Variants in PCDHGA1 observed in about 807,000 individuals in gnomAD.
The protein encoded by PCDHGA1 is protocadherin gamma-A1.
Under a neutral mutation model 58.0 loss-of-function variants are expected in PCDHGA1, and 32 were observed. The observed-to-expected ratio is 0.55, with a 90% CI of 0.42 to 0.74. The LOEUF is 0.74. PCDHGA1 is among the 30% of genes least tolerant of loss of function. The pLI is 0.00. For missense variants in PCDHGA1, 1,205 were observed against 1,182.3 expected, an observed-to-expected ratio of 1.02 and a Z score of -0.28; for synonymous variants, 498 against 501.1, an observed-to-expected ratio of 0.99 and a Z score of 0.08.
chr5:141,489,297 G>T lies in PCDHGA1; in HGVS notation c.2422-5510G>T. On this transcript the variant is annotated intron_variant, in intron 1 of 3. Transcript: ENST00000517417. This position sits in a 1 kb window ranked among gnomAD's most constrained non-coding sequence, Gnocchi z 4.5. Reference sequence around the variant, plus strand: ...GGAAATGGCAAGTGCTGTGCATGTTGTCCTTGTGCTGCTGGGGCTGGGTGT... The same window carrying T: ...GGAAATGGCAAGTGCTGTGCATGTTTTCCTTGTGCTGCTGGGGCTGGGTGT... 1.9e-6 allele frequency: 3 copies of T among 1,583,774 alleles called. No homozygotes were observed. Among genetic ancestry groups the T allele is most frequent in the Non-Finnish European group, 8.6e-7 (1 of 1,164,904 alleles).
chr5:141,405,546 A>G (rs2094684316), intron 1 of PCDHGA1: 1 of 630,658 alleles, frequency 1.6e-6, no homozygotes, highest in Admixed American at 2.9e-5. Context: ...CAGCCTCCCA[A>G]GTAGAGTAGC....
At chr5:141,340,316 G>T (rs770680401) in intron 1 of PCDHGA1, 2 of 1,614,034 alleles carry the variant, frequency 1.2e-6, no homozygotes, top group Admixed American at 3.3e-5. Flanking sequence ...CAACGACAAC[G>T]CACCCGCCTT....
chr5:141,383,310 A>C (rs1779012544), intron 1 of PCDHGA1: 1 of 1,614,004 alleles, frequency 6.2e-7, no homozygotes, highest in Non-Finnish European at 8.5e-7. Context: ...TGACGGAAGA[A>C]ATAAATGTAA....
At chr5:141,421,616 AC>A in intron 1 of PCDHGA1, 1 of 1,613,792 alleles carries the variant, frequency 6.2e-7, no homozygotes, top group Non-Finnish European at 8.5e-7. Context: ...ATTAATGATA[AC>A]GCCCCCAGCT....
intron 1 of PCDHGA1, chr5:141,410,718 TA>T: frequency 7.1e-7 from 1 of 1,402,688 alleles, no homozygotes; most frequent in Non-Finnish European, 9.6e-7. Context: ...ATCATATGTT[TA>T]AAATCCATAG....
chr5:141,432,463 C>A lies in PCDHGA1; in HGVS notation c.2422-62344C>A, dbSNP rs781407406. On this transcript the variant is annotated intron_variant, in intron 1 of 3. Transcript: ENST00000517417. The surrounding 1 kb of genome is among the most constrained non-coding windows in gnomAD (Gnocchi z 6.0). Reference sequence around the variant, plus strand: ...CCGAGATCCTGTACCCCGCCCTCCCCACGGACGGTTCCACTGGCGTGGAGC... The same window carrying A: ...CCGAGATCCTGTACCCCGCCCTCCCAACGGACGGTTCCACTGGCGTGGAGC... The A allele has an allele frequency of 5.6e-6, 9 of 1,614,120 alleles. No homozygotes were observed. In the Admixed American group the frequency reaches 1.3e-4, roughly 24 times the overall value.
chr5:141,356,496 G>C, intron 1 of PCDHGA1: 1 of 1,613,960 alleles, frequency 6.2e-7, no homozygotes. Context: ...CTCCTCCACT[G>C]TCTACAGAAA....
chr5:141,408,463 G>T, intron 1 of PCDHGA1: 1 of 1,614,014 alleles, frequency 6.2e-7, no homozygotes, highest in Non-Finnish European at 8.5e-7. Context: ...TACTTGTGAA[G>T]AACCGAATAG....
chr5:141,414,000 A>T (rs759228883), intron 1 of PCDHGA1: 2 of 1,613,282 alleles, frequency 1.2e-6, no homozygotes, highest in African/African-American at 2.7e-5. Flanking sequence ...ACAGGGACGA[A>T]GGTGCCAATG....
In PCDHGA1 at chr5:141,505,363, T is replaced by C. The variant is rs751635403; in HGVS notation, c.2481-30T>C. 1.6e-5 allele frequency: 26 copies of C among 1,613,242 alleles called. No individual in the cohort carries two copies. In the Middle Eastern group the frequency reaches 9.9e-4, roughly 61 times the overall value. On this transcript the variant is annotated intron_variant, in intron 2 of 3. Transcript: ENST00000517417. ...GGCATGAGCTGTGCCGGCCTGGGAG[T>C]CTGTGCTCACCATCCTACTCTCTCC... is the stretch of plus-strand genomic sequence containing the variant.
intron 1 of PCDHGA1, chr5:141,396,045 C>G (rs2093338007): frequency 6.6e-6 from 1 of 152,166 alleles, no homozygotes; most frequent in Non-Finnish European, 1.5e-5. Context: ...TATTTCAATA[C>G]AATTCCAATT....
At chr5:141,418,403 G>T in intron 1 of PCDHGA1, 1 of 1,614,000 alleles carries the variant, frequency 6.2e-7, no homozygotes. Context: ...CTCATTGGTG[G>T]AGAAAGACAA....
chr5:141,491,659 G>A lies in PCDHGA1; in HGVS notation c.2422-3148G>A. On this transcript the variant is annotated intron_variant, in intron 1 of 3. Transcript: ENST00000517417. This position sits in a 1 kb window ranked among gnomAD's most constrained non-coding sequence, Gnocchi z 6.9. ...CACAGCTCTGGCGCTGGAGCCTGACGCCATCCGGTCCCGCTCTAATACGCT... is the reference window on the plus strand; with the variant it reads ...CACAGCTCTGGCGCTGGAGCCTGACACCATCCGGTCCCGCTCTAATACGCT... 6.2e-7 allele frequency: 1 copy of A among 1,613,766 alleles called. No homozygotes were observed. The highest frequency in any genetic ancestry group is 8.5e-7 in the Non-Finnish European group (1 of 1,180,004).
At chr5:141,442,466 A>T (rs1270035223) in intron 1 of PCDHGA1, 1 of 152,254 alleles carries the variant, frequency 6.6e-6, no homozygotes, top group African/African-American at 2.4e-5. Flanking sequence ...TTCACTGCAG[A>T]AAGCCCCTTG....
Position 141,491,287 on chromosome 5 carries a change from C to T in PCDHGA1, c.2422-3520C>T, listed in dbSNP as rs1562145447. 2 of 1,614,030 alleles carry T rather than the reference C, an allele frequency of 1.2e-6. No homozygotes were observed. Among genetic ancestry groups the T allele is most frequent in the Admixed American group, 1.7e-5 (1 of 60,032 alleles). On this transcript the variant is annotated intron_variant, in intron 1 of 3. Coordinates refer to ENST00000517417, the MANE Select transcript of PCDHGA1 (RefSeq NM_018912.3). The surrounding 1 kb of genome is among the most constrained non-coding windows in gnomAD (Gnocchi z 6.9). ...GCCCAAATCCAGTGACTTCCTCATA[C>T]ACCCTCCTGAGCGTTCAGACCTTAC... is the stretch of plus-strand genomic sequence containing the variant.
intron 1 of PCDHGA1, chr5:141,342,634 T>C (rs1002353484): frequency 5.3e-5 from 8 of 152,254 alleles, no homozygotes; most frequent in South Asian, 2.1e-4. Flanking sequence ...TAATATGTCA[T>C]AATAGCTTTA....
intron 1 of PCDHGA1, chr5:141,414,883 G>T: frequency 6.2e-7 from 1 of 1,614,176 alleles, no homozygotes; most frequent in Non-Finnish European, 8.5e-7. Context: ...CCTGTACCCC[G>T]CCCTCCCCAC....
intron 1 of PCDHGA1, among the ~76,000 whole-genome samples, chr5:141,352,899 G>A (rs993863132): frequency 5.9e-5 from 9 of 152,168 alleles, no homozygotes; most frequent in Non-Finnish European, 1.0e-4. Flanking sequence ...GAGACAGGAG[G>A]ATCGCTTGAG....
intron 1 of PCDHGA1, chr5:141,351,149 A>G (rs1588485949): frequency 6.2e-7 from 1 of 1,614,066 alleles, no homozygotes; most frequent in Non-Finnish European, 8.5e-7. Flanking sequence ...TACTGGCGAC[A>G]TCACAACCAA....
Sources: gnomAD v4.1 joint callset for allele counts (sites outside exome capture counted in the v4.1 genomes callset) on GRCh38, gnomAD v4.1.1 for gene constraint, Gnocchi (gnomAD v3.1) non-coding constraint, MANE v1.5 for transcripts, NCBI Gene and HGNC (gene_info 2026-07-23, HGNC 2026-07-21) for gene names.